GRIP1: variants seen among roughly 807,000 people sequenced by gnomAD.
GRIP1 encodes the protein glutamate receptor-interacting protein 1.
A neutral mutation model predicts 129.9 loss-of-function variants in GRIP1; 45 were observed. The observed-to-expected ratio is 0.35, with a 90% CI of 0.27 to 0.44. The LOEUF is 0.44. Ranked by LOEUF, GRIP1 falls within the 20% of genes least tolerant of loss-of-function variation. GRIP1 has a pLI of 1.00. For missense variants in GRIP1, 1,196 were observed against 1,396.8 expected (o/e 0.86, Z 2.29); for synonymous variants, 530 against 520.8 (o/e 1.02, Z -0.24).
At chr12:66,764,557 G>A (rs1045891815) in intron 1 of GRIP1, among the ~76,000 whole-genome samples, 1 of 152,188 alleles carries the variant, frequency 6.6e-6, no homozygotes, top group Non-Finnish European at 1.5e-5. Context: ...ATACTTGACA[G>A]CAAATGAATG....
chr12:66,835,880 C>T (rs1399423984), intron 1 of GRIP1, among the ~76,000 whole-genome samples: 3 of 151,830 alleles, frequency 2.0e-5, no homozygotes, highest in Non-Finnish European at 4.4e-5. Context: ...ACCATGATGT[C>T]AACTATCAAT....
intron 15 of GRIP1, among the ~76,000 whole-genome samples, chr12:66,407,824 T>G (rs1193003145): frequency 6.6e-6 from 1 of 152,056 alleles, no homozygotes; most frequent in East Asian, 1.9e-4. Context: ...TCAGAGCCAG[T>G]AGACTTGGGG....
chr12:66,718,471 T>C (rs2035959729), intron 1 of GRIP1, among the ~76,000 whole-genome samples: 1 of 152,180 alleles, frequency 6.6e-6, no homozygotes, highest in Non-Finnish European at 1.5e-5. Context: ...TCTCAGAACA[T>C]AGGTATTTCC....
At chr12:66,474,960 C>A (rs1036788210) in intron 7 of GRIP1, among the ~76,000 whole-genome samples, 1 of 151,908 alleles carries the variant, frequency 6.6e-6, no homozygotes, top group South Asian at 2.1e-4. Context: ...AATGACAGGA[C>A]CAAATTCACA....
intron 1 of GRIP1, among the ~76,000 whole-genome samples, chr12:66,829,586 C>T (rs2039480568): frequency 6.6e-6 from 1 of 152,216 alleles, no homozygotes; most frequent in African/African-American, 2.4e-5. Context: ...TCTCCCTCCA[C>T]TACCCACTTG....
At chr12:66,439,685 G>C (rs563131270) in intron 13 of GRIP1, among the ~76,000 whole-genome samples, 1 of 152,108 alleles carries the variant, frequency 6.6e-6, no homozygotes, top group African/African-American at 2.4e-5. Context: ...CACACACCAC[G>C]TTTAGAAAGT....
chr12:66,714,283 A>T (rs965410889), intron 1 of GRIP1, among the ~76,000 whole-genome samples: 20 of 152,144 alleles, frequency 1.3e-4, no homozygotes, highest in Non-Finnish European at 2.4e-4. Flanking sequence ...TGAAGTAAAA[A>T]TTTTCTATTT....
At chr12:66,354,574 G>T (rs2054389923) in intron 23 of GRIP1, among the ~76,000 whole-genome samples, 1 of 152,182 alleles carries the variant, frequency 6.6e-6, no homozygotes, top group South Asian at 2.1e-4. Flanking sequence ...AGTTGTGCCA[G>T]ATGCCCTCCA....
chr12:67,029,391 G>C (rs1378831505), intron 1 of GRIP1, among the ~76,000 whole-genome samples: 1 of 152,094 alleles, frequency 6.6e-6, no homozygotes, highest in South Asian at 2.1e-4. Flanking sequence ...CAGGATTACA[G>C]GCGTGAGCCA....
At chr12:66,918,965 A>G (rs1047642073) in intron 1 of GRIP1, among the ~76,000 whole-genome samples, 8 of 152,176 alleles carry the variant, frequency 5.3e-5, no homozygotes, top group Non-Finnish European at 1.2e-4. Context: ...ATTAATGCAC[A>G]AGTACTGAAC....
At chr12:66,850,097 G>A (rs1234156855) in intron 1 of GRIP1, among the ~76,000 whole-genome samples, 3 of 152,148 alleles carry the variant, frequency 2.0e-5, no homozygotes, top group Admixed American at 1.3e-4. Flanking sequence ...TAGCTAAACA[G>A]AACGGTAATC....
At chr12:66,943,357 A>T (rs1194358377) in intron 1 of GRIP1, among the ~76,000 whole-genome samples, 2 of 152,214 alleles carry the variant, frequency 1.3e-5, no homozygotes, top group African/African-American at 2.4e-5. Flanking sequence ...GAGAGAGAGC[A>T]CGGTCAAGGA....
chr12:66,743,439 C>T (rs1233089184), intron 1 of GRIP1, among the ~76,000 whole-genome samples: 1 of 151,864 alleles, frequency 6.6e-6, no homozygotes, highest in Admixed American at 6.6e-5. Context: ...GAGGAGGAAC[C>T]CTTTCAGAAG....
intron 1 of GRIP1, among the ~76,000 whole-genome samples, chr12:66,769,059 T>G (rs1441159353): frequency 6.6e-6 from 1 of 152,172 alleles, no homozygotes; most frequent in Non-Finnish European, 1.5e-5. Context: ...GGAGCTCTGT[T>G]GAAGAGCAGC....
At chr12:66,647,901 T>C (rs1420216043) in intron 1 of GRIP1, among the ~76,000 whole-genome samples, 1 of 152,212 alleles carries the variant, frequency 6.6e-6, no homozygotes, top group Non-Finnish European at 1.5e-5. Flanking sequence ...CTTAATCCCC[T>C]CCCTAACATA....
chr12:66,870,405 T>C (rs2040275933), intron 1 of GRIP1, among the ~76,000 whole-genome samples: 1 of 152,154 alleles, frequency 6.6e-6, no homozygotes. Context: ...TGTTATGTGT[T>C]GACATACTCC....
chr12:66,403,338 G>A (rs1401529135), intron 16 of GRIP1, among the ~76,000 whole-genome samples: 1 of 152,026 alleles, frequency 6.6e-6, no homozygotes, highest in Non-Finnish European at 1.5e-5. Flanking sequence ...TAAAACATTT[G>A]CTCTTTGTGA....
chr12:66,449,486 C>T (rs1356317418), intron 11 of GRIP1, among the ~76,000 whole-genome samples: 5 of 152,086 alleles, frequency 3.3e-5, no homozygotes, highest in African/African-American at 1.2e-4. Context: ...ATTCTCATTC[C>T]ATCTCAGCTG....
chr12:67,056,509 C>T (rs1482449499), intron 1 of GRIP1, among the ~76,000 whole-genome samples: 1 of 134,490 alleles, frequency 7.4e-6, no homozygotes, highest in African/African-American at 2.5e-5. Context: ...AGTGTTCCAG[C>T]TAGCAAGGGG....
Sources: allele counts gnomAD v4.1 joint callset (sites outside exome capture counted in the v4.1 genomes callset), GRCh38; gene constraint gnomAD v4.1.1; transcripts MANE v1.5; gene names NCBI Gene and HGNC (gene_info 2026-07-23, HGNC 2026-07-21).